Variants in JAKMIP1 observed in about 807,000 individuals in gnomAD.
JAKMIP1 encodes the protein janus kinase and microtubule interacting protein 1.
A neutral mutation model predicts 113.0 loss-of-function variants in JAKMIP1; 33 were observed. The ratio of observed to expected loss-of-function variants is 0.29; its 90% confidence interval spans 0.22 to 0.39. The LOEUF is 0.39. JAKMIP1 is among the 10% of genes least tolerant of loss of function. JAKMIP1 has a pLI of 1.00. For missense variants in JAKMIP1, 813 were observed against 1,080.5 expected, an observed-to-expected ratio of 0.75 and a Z score of 3.47; for synonymous variants, 480 against 459.9, an observed-to-expected ratio of 1.04 and a Z score of -0.56.
chr4:6,149,137 G>C (rs746705453), intron 1 of JAKMIP1, among the ~76,000 whole-genome samples: 1 of 152,248 alleles, frequency 6.6e-6, no homozygotes, highest in African/African-American at 2.4e-5. Flanking sequence ...GGGCTGGACA[G>C]CTGGGCAGGA....
rs977904139 is a variant in JAKMIP1 at position 6,116,497 on chromosome 4, G to A, written c.-147-3500C>T. ...GAGAAGGCTCCTTCCTGAAGGCACG[G>A]GGACCTTGGACCTGCTGACCCTGGA... On this transcript the variant is annotated intron_variant, in intron 1 of 20. Transcript: ENST00000409021. This position sits in a 1 kb window ranked among gnomAD's most constrained non-coding sequence, Gnocchi z 5.1. Among the ~76,000 whole-genome samples the A allele has an allele frequency of 6.6e-6, 1 of 152,130 alleles. No individual in the cohort carries two copies. The highest frequency in any genetic ancestry group is 2.4e-5 in the African/African-American group (1 of 41,432).
intron 8 of JAKMIP1, chr4:6,070,055 AC>A: frequency 2.5e-6 from 1 of 398,804 alleles, no homozygotes; most frequent in Non-Finnish European, 4.4e-6. Flanking sequence ...CCAGCTGCCT[AC>A]CTTCATGCTT....
intron 1 of JAKMIP1, among the ~76,000 whole-genome samples, chr4:6,151,146 T>G (rs561684838): frequency 2.0e-5 from 3 of 152,164 alleles, no homozygotes; most frequent in Non-Finnish European, 2.9e-5. Flanking sequence ...CTCCCAACTG[T>G]GACACGGCCA....
chr4:6,090,695 C>T (rs1721934451), intron 3 of JAKMIP1, among the ~76,000 whole-genome samples: 1 of 152,104 alleles, frequency 6.6e-6, no homozygotes, highest in Non-Finnish European at 1.5e-5. Context: ...CCCACGTTGA[C>T]CATGACCGCC....
Position 6,105,623 on chromosome 4 carries a change from G to A in JAKMIP1, c.474C>T (p.Leu158=), listed in dbSNP as rs762011609. The change falls in exon 3 of 21, where the codon CTC becomes CTT. Residue 158 remains leucine (L), a synonymous_variant. Coordinates refer to ENST00000409021, the MANE Select transcript of JAKMIP1 (RefSeq NM_001099433.2). The stretch of plus-strand genomic sequence containing the variant: ...CCTCTGCCTGCTTGCGCGCTGCCTT[G>A]AGCTCCAGGATCTCCTGCTGCAGCC... ...RLRLQQEILE[L]KAARKQAEEA... The A allele has an allele frequency of 1.3e-5, 21 of 1,594,998 alleles. No homozygotes were observed. The South Asian group carries it at 2.3e-4, about 17-fold the overall frequency.
Position 6,193,361 on chromosome 4 carries a change from T to C in JAKMIP1, c.-148+6892A>G, listed in dbSNP as rs1266963666. Among the ~76,000 whole-genome samples the C allele has an allele frequency of 6.6e-6, 1 of 152,198 alleles. No individual in the cohort carries two copies. Among genetic ancestry groups the C allele is most frequent in the Non-Finnish European group, 1.5e-5 (1 of 68,034 alleles). On this transcript the variant is annotated intron_variant, in intron 1 of 20. Transcript: ENST00000409021. This position sits in a 1 kb window ranked among gnomAD's most constrained non-coding sequence, Gnocchi z 6.4. ...TCGTGAGACTTTACCTTGTGATCGG[T>C]GAGTCAATTCTCCTTAATAAACTCC... is the stretch of plus-strand genomic sequence containing the variant.
chr4:6,075,000 G>A (rs778189354), intron 8 of JAKMIP1, among the ~76,000 whole-genome samples: 1 of 152,150 alleles, frequency 6.6e-6, no homozygotes, highest in Non-Finnish European at 1.5e-5. Context: ...GCCTAATGAC[G>A]CATTTCTCAG....
rs987959174 is a variant in JAKMIP1 at position 6,162,450 on chromosome 4, A to C, written c.-148+37803T>G. Among the ~76,000 whole-genome samples the C allele has an allele frequency of 6.6e-6, 1 of 152,176 alleles. No homozygotes were observed. The highest frequency in any genetic ancestry group is 1.5e-5 in the Non-Finnish European group (1 of 68,024). On this transcript the variant is annotated intron_variant, in intron 1 of 20. Transcript: ENST00000409021. The surrounding 1 kb of genome is among the most constrained non-coding windows in gnomAD (Gnocchi z 5.6). ...CTCCAGAGGCCACATGAGCCAAGTG[A>C]CAGGGGCAGATGGAGCCAGGGCCCT...
intron 1 of JAKMIP1, among the ~76,000 whole-genome samples, chr4:6,177,601 A>G (rs978596288): frequency 6.6e-6 from 1 of 152,126 alleles, no homozygotes; most frequent in Non-Finnish European, 1.5e-5. Flanking sequence ...ATCACACCTC[A>G]CTTCTCTGTC....
Position 6,125,854 on chromosome 4 carries a change from ATACAGAAACTCGCGCCATACACT to A in JAKMIP1, c.-147-12880_-147-12858del, listed in dbSNP as rs1560231030. ...ATGCAGAAACACACACACACCCCCC[ATACAGAAACTCGCGCCATACACT>A]CCATACACACCATGCAGAAACACAC... On this transcript the variant is annotated intron_variant, in intron 1 of 20. Coordinates refer to ENST00000409021, the MANE Select transcript of JAKMIP1 (RefSeq NM_001099433.2). Among the ~76,000 whole-genome samples, 10 of 22,316 alleles carry A rather than the reference ATACAGAAACTCGCGCCATACACT, an allele frequency of 4.5e-4. 1 individual carries two copies. Among genetic ancestry groups the A allele is most frequent in the African/African-American group, 9.3e-4 (4 of 4,310 alleles). 14.6% of individuals were successfully genotyped at this position (22,316 alleles called of 152,430 possible).
At chr4:6,099,890 T>C (rs1712711891) in intron 3 of JAKMIP1, among the ~76,000 whole-genome samples, 1 of 152,224 alleles carries the variant, frequency 6.6e-6, no homozygotes, top group African/African-American at 2.4e-5. Context: ...GGCACTTTAG[T>C]GTATGGGATG....
chr4:6,068,124 T>C (rs913597242), intron 8 of JAKMIP1, among the ~76,000 whole-genome samples: 7 of 152,198 alleles, frequency 4.6e-5, no homozygotes, highest in African/African-American at 1.2e-4. Context: ...GGACTACCAG[T>C]TAAAGACTCA....
intron 1 of JAKMIP1, among the ~76,000 whole-genome samples, chr4:6,196,584 T>G (rs1727868704): frequency 6.6e-6 from 1 of 152,096 alleles, no homozygotes; most frequent in Admixed American, 6.5e-5. Context: ...CCAGGTGCGG[T>G]GGCTCACGCC....
Position 6,065,728 on chromosome 4 carries a change from C to T in JAKMIP1, c.1303-720G>A, listed in dbSNP as rs1023838035. ...AGGCAAATTGTAAGGCTCTATGTGACGGCCTCTGAGTTGCCCTGCTGGCAC... is the reference window on the plus strand; with the variant it reads ...AGGCAAATTGTAAGGCTCTATGTGATGGCCTCTGAGTTGCCCTGCTGGCAC... On this transcript the variant is annotated intron_variant, in intron 8 of 20. Coordinates refer to ENST00000409021, the MANE Select transcript of JAKMIP1 (RefSeq NM_001099433.2). The surrounding 1 kb of genome is among the most constrained non-coding windows in gnomAD (Gnocchi z 5.1). Among the ~76,000 whole-genome samples the T allele has an allele frequency of 4.6e-5, 7 of 152,218 alleles. No homozygotes were observed. The highest frequency in any genetic ancestry group is 4.1e-4 in the South Asian group (2 of 4,830).
intron 1 of JAKMIP1, among the ~76,000 whole-genome samples, chr4:6,177,482 A>C (rs1456127089): frequency 6.6e-6 from 1 of 152,148 alleles, no homozygotes; most frequent in African/African-American, 2.4e-5. Flanking sequence ...TCTGCCTCTG[A>C]AAATTTGGGC....
At chr4:6,198,100 C>T (rs1028014500) in intron 1 of JAKMIP1, among the ~76,000 whole-genome samples, 1 of 152,226 alleles carries the variant, frequency 6.6e-6, no homozygotes, top group Non-Finnish European at 1.5e-5. Flanking sequence ...CACTGTGTCC[C>T]GTGTCCCCAG....
At chr4:6,175,173 C>G (rs990851490) in intron 1 of JAKMIP1, among the ~76,000 whole-genome samples, 17 of 152,096 alleles carry the variant, frequency 1.1e-4, no homozygotes, top group African/African-American at 3.4e-4. Context: ...AGCACTGACA[C>G]GCAGGCAAGT....
chr4:6,084,019 C>CT (rs147250785), intron 5 of JAKMIP1, among the ~76,000 whole-genome samples: 3,496 of 152,042 alleles, frequency 0.023, 114 homozygotes, highest in African/African-American at 0.064. Context: ...ATTACACCAC[C>CT]TAAAAGAATA....
intron 19 of JAKMIP1, among the ~76,000 whole-genome samples, chr4:6,034,949 A>G (rs1713208423): frequency 6.6e-6 from 1 of 152,188 alleles, no homozygotes; most frequent in Admixed American, 6.5e-5. Flanking sequence ...GCCTTGAGAA[A>G]AAGACTGAGC....
Sources: gnomAD v4.1 joint callset for allele counts (sites outside exome capture counted in the v4.1 genomes callset) on GRCh38, gnomAD v4.1.1 for gene constraint, Gnocchi (gnomAD v3.1) non-coding constraint, MANE v1.5 for transcripts, NCBI Gene and HGNC (gene_info 2026-07-23, HGNC 2026-07-21) for gene names.